Variants in DRC11 observed in about 807,000 individuals in gnomAD.
The protein encoded by DRC11 is IQ and AAA domain-containing protein 1.
chr2:236,319,747 G>C, the DRC11 span, among the ~76,000 whole-genome samples: 8 of 152,138 alleles, frequency 5.3e-5, no homozygotes, highest in African/African-American at 1.9e-4. This position sits in a 1 kb window ranked among gnomAD's most constrained non-coding sequence, Gnocchi z 6.7. Context: ...GATTATATAG[G>C]CGCTAGGTGC....
At chr2:236,357,719 TAATATATA>T in the DRC11 span, among the ~76,000 whole-genome samples, 1 of 126,482 alleles carries the variant, frequency 7.9e-6, no homozygotes, top group Non-Finnish European at 1.5e-5. Context: ...TATGTATTTA[TAATATATA>T]AATATACATA....
chr2:236,458,573 A>C, the DRC11 span, among the ~76,000 whole-genome samples: 1 of 152,176 alleles, frequency 6.6e-6, no homozygotes. Flanking sequence ...GTGGGGCCCA[A>C]GTATTTTATT....
chr2:236,439,215 A>G, the DRC11 span, among the ~76,000 whole-genome samples: 1 of 151,756 alleles, frequency 6.6e-6, no homozygotes, highest in Non-Finnish European at 1.5e-5. Context: ...AAATAACTAA[A>G]ATCAGAGCAG....
the DRC11 span, among the ~76,000 whole-genome samples, chr2:236,394,651 A>G: frequency 5.7e-3 from 869 of 151,826 alleles, 9 homozygotes; most frequent in African/African-American, 0.02. This position sits in a 1 kb window ranked among gnomAD's most constrained non-coding sequence, Gnocchi z 7.0. Context: ...TGGGTTCACA[A>G]GCTGCAGCTG....
the DRC11 span, among the ~76,000 whole-genome samples, chr2:236,458,656 C>A: frequency 6.6e-6 from 1 of 152,080 alleles, no homozygotes; most frequent in East Asian, 1.9e-4. Flanking sequence ...AGGGGGCATT[C>A]GCTGGCAGAA....
the DRC11 span, among the ~76,000 whole-genome samples, chr2:236,502,890 G>T: frequency 6.6e-6 from 1 of 152,058 alleles, no homozygotes; most frequent in African/African-American, 2.4e-5. Flanking sequence ...GGGAGGCGGA[G>T]GTTGCAGTGA....
At chr2:236,419,012 G>A in the DRC11 span, 1 of 1,319,898 alleles carries the variant, frequency 7.6e-7, no homozygotes, top group Non-Finnish European at 9.9e-7. This position sits in a 1 kb window ranked among gnomAD's most constrained non-coding sequence, Gnocchi z 4.8. Context: ...AAAACCTGTT[G>A]GTAGATAACA....
chr2:236,412,086 G>A, the DRC11 span, among the ~76,000 whole-genome samples: 1 of 152,044 alleles, frequency 6.6e-6, no homozygotes, highest in Non-Finnish European at 1.5e-5. Context: ...GTAGGGATGG[G>A]GGTCTCCCTA....
chr2:236,440,978 T>A, the DRC11 span: 11 of 1,040,932 alleles, frequency 1.1e-5, no homozygotes, highest in Admixed American at 2.2e-4. Flanking sequence ...ACTCATTAAT[T>A]TTAAAGTTTA....
chr2:236,342,502 G>T, the DRC11 span, among the ~76,000 whole-genome samples: 9 of 152,184 alleles, frequency 5.9e-5, no homozygotes, highest in Admixed American at 1.3e-4. This position sits in a 1 kb window ranked among gnomAD's most constrained non-coding sequence, Gnocchi z 5.8. Flanking sequence ...CTCAGAGGCT[G>T]GGAAGGACAG....
chr2:236,405,603 A>T, the DRC11 span, among the ~76,000 whole-genome samples: 1 of 152,022 alleles, frequency 6.6e-6, no homozygotes, highest in South Asian at 2.1e-4. This position sits in a 1 kb window ranked among gnomAD's most constrained non-coding sequence, Gnocchi z 4.6. Flanking sequence ...TTCATGGCCC[A>T]ATCAGTTATA....
At chr2:236,369,998 G>A in the DRC11 span, among the ~76,000 whole-genome samples, 1 of 152,378 alleles carries the variant, frequency 6.6e-6, no homozygotes, top group East Asian at 1.9e-4. The surrounding 1 kb of genome is among the most constrained non-coding windows in gnomAD (Gnocchi z 4.5). Flanking sequence ...CTAAGTGGAA[G>A]TCCTAATCCC....
At chr2:236,356,953 A>G in the DRC11 span, among the ~76,000 whole-genome samples, 1 of 129,318 alleles carries the variant, frequency 7.7e-6, no homozygotes, top group African/African-American at 3.1e-5. Context: ...ATATTCATAT[A>G]TCATAAATAT....
At chr2:236,492,138 A>G in the DRC11 span, among the ~76,000 whole-genome samples, 1 of 152,194 alleles carries the variant, frequency 6.6e-6, no homozygotes. Context: ...CAGAACCATA[A>G]GCAAAATAAA....
At chr2:236,308,614 G>T in the DRC11 span, among the ~76,000 whole-genome samples, 2 of 152,108 alleles carry the variant, frequency 1.3e-5, no homozygotes, top group Non-Finnish European at 2.9e-5. This position sits in a 1 kb window ranked among gnomAD's most constrained non-coding sequence, Gnocchi z 6.0. Flanking sequence ...TGCAGCATTT[G>T]TCCTTCTGTG....
chr2:236,380,591 CCTT>C, the DRC11 span: 2 of 1,551,518 alleles, frequency 1.3e-6, no homozygotes, highest in Non-Finnish European at 1.7e-6. The surrounding 1 kb of genome is among the most constrained non-coding windows in gnomAD (Gnocchi z 4.9). Context: ...AGATCTTTAT[CCTT>C]CTTTGCCTTC....
chr2:236,459,668 T>TATAC, the DRC11 span, among the ~76,000 whole-genome samples: 1 of 146,804 alleles, frequency 6.8e-6, no homozygotes, highest in Non-Finnish European at 1.5e-5. Context: ...TACATACGTA[T>TATAC]ATACGTATAT....
the DRC11 span, among the ~76,000 whole-genome samples, chr2:236,479,113 C>A: frequency 6.6e-6 from 1 of 152,220 alleles, no homozygotes; most frequent in Non-Finnish European, 1.5e-5. This position sits in a 1 kb window ranked among gnomAD's most constrained non-coding sequence, Gnocchi z 4.1. Flanking sequence ...GCGTGAGCCA[C>A]TGCACCTGGC....
chr2:236,380,212 AGCAGAGGCGCTCGG>A, the DRC11 span, among the ~76,000 whole-genome samples: 3 of 152,336 alleles, frequency 2.0e-5, no homozygotes, highest in South Asian at 6.2e-4. The surrounding 1 kb of genome is among the most constrained non-coding windows in gnomAD (Gnocchi z 4.9). Context: ...CAACGGCCTC[AGCAGAGGCGCTCGG>A]GCAGATTCCT....
Sources: allele counts gnomAD v4.1 joint callset (sites outside exome capture counted in the v4.1 genomes callset), GRCh38; gene constraint gnomAD v4.1.1; non-coding constraint Gnocchi (gnomAD v3.1); transcripts MANE v1.5; gene names NCBI Gene and HGNC (gene_info 2026-07-23, HGNC 2026-07-21).